PRORP: variants seen among roughly 807,000 people sequenced by gnomAD.
The protein encoded by PRORP is protein only RNase P catalytic subunit, also known as mitochondrial ribonuclease P catalytic subunit.
In PRORP, 51 loss-of-function variants were observed where a neutral mutation model predicts 59.4. The ratio of observed to expected loss-of-function variants is 0.86; its 90% CI spans 0.69 to 1.08. The LOEUF (loss-of-function observed/expected upper bound fraction) is 1.08. PRORP is among the 50% of genes least tolerant of loss of function. The pLI is 0.00. For synonymous variants in PRORP, 231 were observed against 245.6 expected (o/e 0.94, Z 0.55); for missense variants, 646 against 690.3 (o/e 0.94, Z 0.72).
rs564772588 is a variant in PRORP, at chr14:35,142,808, A to G, written c.1167+15197A>G. On this transcript the variant is annotated intron_variant, in intron 4 of 7. Coordinates refer to ENST00000534898, the MANE Select transcript of PRORP (RefSeq NM_014672.4). ...CAGTGAGCTGAGATCGCGCCACTGC[A>G]TTCCAGCAGCCTAGGTGACAGAGTG... Among the ~76,000 whole-genome samples the G allele has an allele frequency of 1.4e-5, 2 of 144,052 alleles. 1 individual carries two copies. Among genetic ancestry groups the G allele is most frequent in the Admixed American group, 1.5e-4 (2 of 13,752 alleles). 94.5% of individuals were successfully genotyped at this position (144,052 alleles called of 152,430 possible).
rs2046977439 is a variant in PRORP, at chr14:35,123,096, A to AGCC, written c.-150_-149insGCC. On this transcript the variant is annotated 5_prime_UTR_variant, in exon 2 of 8. Transcript: ENST00000534898. ...GCTTTTAAGTAGCCCCAAAAGCAGAACCTTGATTTGTCTGTAAGGAAGAAA... is the reference window on the plus strand; with the variant it reads ...GCTTTTAAGTAGCCCCAAAAGCAGAAGCCCCTTGATTTGTCTGTAAGGAAGAAA... 2.5e-5 allele frequency: 20 copies of AGCC among 796,988 alleles called. No individual in the cohort carries two copies. Among genetic ancestry groups the AGCC allele is most frequent in the Middle Eastern group, 3.8e-4 (1 of 2,664 alleles). The allele number at this position is 796,988 out of a possible 1,614,324, so 49.4% of individuals were successfully genotyped here.
chr14:35,194,380 G>T (rs1184900476), intron 5 of PRORP, among the ~76,000 whole-genome samples: 1 of 152,152 alleles, frequency 6.6e-6, no homozygotes, highest in Non-Finnish European at 1.5e-5. Flanking sequence ...CATGTCCTTT[G>T]CAGGGACATT....
chr14:35,177,728 TTG>T (rs1192804686), intron 4 of PRORP, among the ~76,000 whole-genome samples: 1 of 152,200 alleles, frequency 6.6e-6, no homozygotes, highest in Non-Finnish European at 1.5e-5. Context: ...GAAGGGTTTT[TTG>T]TGTCTCTGTC....
At chr14:35,248,487 A>G (rs2050537777) in intron 5 of PRORP, among the ~76,000 whole-genome samples, 1 of 152,206 alleles carries the variant, frequency 6.6e-6, no homozygotes, top group South Asian at 2.1e-4. Context: ...TATGGTATAT[A>G]GCTCTGAAGT....
chr14:35,240,315 G>GTTTTT (rs5807821), intron 5 of PRORP, among the ~76,000 whole-genome samples: 41 of 129,090 alleles, frequency 3.2e-4, no homozygotes, highest in East Asian at 4.5e-4. Flanking sequence ...TTTTTTTTTG[G>GTTTTT]TTTAAAATTT....
At chr14:35,163,555 G>A (rs1450473399) in intron 4 of PRORP, among the ~76,000 whole-genome samples, 1 of 152,110 alleles carries the variant, frequency 6.6e-6, no homozygotes, top group African/African-American at 2.4e-5. Flanking sequence ...TTAGCCACTT[G>A]TATGCCTTCT....
intron 2 of PRORP, among the ~76,000 whole-genome samples, chr14:35,125,945 G>A (rs540414624): frequency 1.3e-5 from 2 of 152,222 alleles, no homozygotes; most frequent in East Asian, 3.9e-4. Context: ...CTTGAATCTA[G>A]GGAGTCAATC....
chr14:35,277,056 T>C lies in PRORP; in HGVS notation c.*3490T>C, dbSNP rs937731433. On this transcript the variant is annotated 3_prime_UTR_variant, in exon 8 of 8. Transcript: ENST00000534898. ...TTTTTTTTTTGAGACAGAGTCTTGA[T>C]CTTTTTTCATCTAGGCTGGAGTGCA... 3 of 152,240 alleles carry C rather than the reference T, an allele frequency of 2.0e-5. No individual in the cohort carries two copies. Among genetic ancestry groups the C allele is most frequent in the Admixed American group, 6.5e-5 (1 of 15,282 alleles). 9.4% of individuals were successfully genotyped at this position (152,240 alleles called of 1,614,324 possible).
chr14:35,187,297 C>T (rs552555259), intron 5 of PRORP, among the ~76,000 whole-genome samples: 1 of 152,288 alleles, frequency 6.6e-6, no homozygotes, highest in African/African-American at 2.4e-5. Context: ...GTTCCAATGT[C>T]TCCACATCCT....
chr14:35,232,245 A>T (rs1383439215), intron 5 of PRORP, among the ~76,000 whole-genome samples: 1 of 148,328 alleles, frequency 6.7e-6, no homozygotes, highest in Non-Finnish European at 1.5e-5. Flanking sequence ...TCACTTTGTC[A>T]CCCAGGCTGG....
In PRORP at chr14:35,269,962, G is replaced by A. The variant is rs538519018; in HGVS notation, c.1425-439G>A. 2.6e-5 allele frequency among the ~76,000 whole-genome samples: 4 copies of A among 152,286 alleles called. No homozygotes were observed. In the East Asian group the frequency reaches 7.7e-4, roughly 29 times the overall value. The stretch of plus-strand genomic sequence containing the variant: ...TCTGAAATACCAGTTCAGCTTTAGG[G>A]GCAGCCAGTTATTTGGTGGCTTGCA... On this transcript the variant is annotated intron_variant, in intron 6 of 7. Transcript: ENST00000534898.
chr14:35,209,985 GAGATA>G lies in PRORP; in HGVS notation c.1275+29213_1275+29217del, dbSNP rs530428519. On this transcript the variant is annotated intron_variant, in intron 5 of 7. Coordinates refer to ENST00000534898, the MANE Select transcript of PRORP (RefSeq NM_014672.4). The stretch of plus-strand genomic sequence containing the variant: ...TTTCACTAGAGCACTCTCTCTAAAT[GAGATA>G]AGATCTTTAAGTTTCTCTTATCAAA... 4.4e-3 allele frequency among the ~76,000 whole-genome samples: 673 copies of G among 152,194 alleles called. 10 individuals are homozygous for G. The highest frequency in any genetic ancestry group is 0.03 in the Admixed American group (458 of 15,288).
At chr14:35,259,105 G>T (rs1457129992) in intron 5 of PRORP, among the ~76,000 whole-genome samples, 1 of 152,174 alleles carries the variant, frequency 6.6e-6, no homozygotes, top group East Asian at 1.9e-4. Context: ...GGTTCTGTCA[G>T]CTTTTGCTTT....
chr14:35,223,279 G>A (rs747580886), intron 5 of PRORP, among the ~76,000 whole-genome samples: 1 of 149,376 alleles, frequency 6.7e-6, no homozygotes, highest in Non-Finnish European at 1.5e-5. Context: ...GAGAGGTGAC[G>A]TTTCCCGTTA....
At chr14:35,150,283 G>T (rs903610222) in intron 4 of PRORP, among the ~76,000 whole-genome samples, 2 of 152,194 alleles carry the variant, frequency 1.3e-5, no homozygotes, top group African/African-American at 4.8e-5. Context: ...CCTAATTTCA[G>T]TATTGTTGTG....
At chr14:35,129,720 C>T (rs1177424660) in intron 4 of PRORP, among the ~76,000 whole-genome samples, 1 of 151,802 alleles carries the variant, frequency 6.6e-6, no homozygotes, top group African/African-American at 2.4e-5. Flanking sequence ...ACCTCATGAT[C>T]TGCCTTCCTC....
chr14:35,219,974 A>T (rs569501012), intron 5 of PRORP, among the ~76,000 whole-genome samples: 1 of 152,284 alleles, frequency 6.6e-6, no homozygotes, highest in East Asian at 1.9e-4. Flanking sequence ...TCTTCTCACA[A>T]CTGCTTTCTC....
intron 4 of PRORP, among the ~76,000 whole-genome samples, chr14:35,175,835 T>A (rs1595244451): frequency 6.6e-6 from 1 of 152,324 alleles, no homozygotes; most frequent in Non-Finnish European, 1.5e-5. Context: ...TCCTGAATGG[T>A]ATTGCCTAGG....
At chr14:35,160,650 A>G (rs2048034013) in intron 4 of PRORP, among the ~76,000 whole-genome samples, 1 of 152,220 alleles carries the variant, frequency 6.6e-6, no homozygotes, top group African/African-American at 2.4e-5. Flanking sequence ...TTATAAAGAA[A>G]GGAAACAGCT....
Sources: gnomAD v4.1 joint callset for allele counts (sites outside exome capture counted in the v4.1 genomes callset) on GRCh38, gnomAD v4.1.1 for gene constraint, MANE v1.5 for transcripts, NCBI Gene and HGNC (gene_info 2026-07-23, HGNC 2026-07-21) for gene names.